CDC42BPA: variants seen among roughly 807,000 people sequenced by gnomAD.
CDC42BPA encodes the protein serine/threonine-protein kinase MRCK alpha.
A neutral mutation model predicts 223.5 loss-of-function variants in CDC42BPA; 80 were observed. The observed-to-expected ratio is 0.36, with a 90% CI of 0.30 to 0.43. The LOEUF is 0.43. CDC42BPA is among the 20% of genes least tolerant of loss of function. CDC42BPA has a pLI of 1.00. For synonymous variants in CDC42BPA, 694 were observed against 718.6 expected, an observed-to-expected ratio of 0.97 and a Z score of 0.55; for missense variants, 1,743 against 2,099.9, an observed-to-expected ratio of 0.83 and a Z score of 3.32.
chr1:227,143,687 T>C (rs895793439), intron 8 of CDC42BPA, among the ~76,000 whole-genome samples: 4 of 152,216 alleles, frequency 2.6e-5, no homozygotes, highest in East Asian at 1.9e-4. Context: ...GTGAGTTCAG[T>C]GGTGAGTTCA....
chr1:227,094,259 G>A (rs1040368686), intron 15 of CDC42BPA, among the ~76,000 whole-genome samples: 25 of 152,126 alleles, frequency 1.6e-4, no homozygotes, highest in African/African-American at 5.3e-4. Flanking sequence ...TAAAATGTGA[G>A]AGCAGTCACA....
intron 3 of CDC42BPA, among the ~76,000 whole-genome samples, chr1:227,207,360 T>TC: frequency 6.7e-6 from 1 of 148,588 alleles, no homozygotes; most frequent in African/African-American, 2.5e-5. Flanking sequence ...TCTTTTTTTT[T>TC]CTTTTTCTTT....
intron 1 of CDC42BPA, among the ~76,000 whole-genome samples, chr1:227,308,119 T>C (rs1692877336): frequency 6.6e-6 from 1 of 152,182 alleles, no homozygotes; most frequent in African/African-American, 2.4e-5. Context: ...AGTAAAATAG[T>C]TATTTACATC....
intron 2 of CDC42BPA, among the ~76,000 whole-genome samples, chr1:227,251,321 T>A (rs1681967319): frequency 6.6e-6 from 1 of 151,454 alleles, no homozygotes; most frequent in Middle Eastern, 3.4e-3. Context: ...GGGGAACACA[T>A]AAAAGAAGAT....
At chr1:227,056,370 C>T (rs1274404229) in intron 21 of CDC42BPA, among the ~76,000 whole-genome samples, 2 of 150,130 alleles carry the variant, frequency 1.3e-5, no homozygotes, top group Non-Finnish European at 3.0e-5. Context: ...TTAAAAAGTC[C>T]CAGTTTCTTT....
At chr1:227,170,375 T>C (rs997066485) in intron 5 of CDC42BPA, among the ~76,000 whole-genome samples, 1 of 151,132 alleles carries the variant, frequency 6.6e-6, no homozygotes, top group Non-Finnish European at 1.5e-5. Flanking sequence ...CAACCACAGG[T>C]GAGCTACTGC....
intron 14 of CDC42BPA, among the ~76,000 whole-genome samples, chr1:227,111,332 T>C (rs939045705): frequency 7.2e-5 from 11 of 152,170 alleles, no homozygotes; most frequent in Non-Finnish European, 1.6e-4. Flanking sequence ...AAATATCACG[T>C]CAATTTGATC....
Position 227,063,413 on chromosome 1 carries a change from T to G in CDC42BPA, c.2904+6364A>C, listed in dbSNP as rs534563307. Among the ~76,000 whole-genome samples, 17 of 152,204 alleles carry G rather than the reference T, an allele frequency of 1.1e-4. No individual in the cohort carries two copies. In the South Asian group the frequency reaches 3.5e-3, roughly 32 times the overall value. ...AGGAGTACATAATTTGGCTAATAGT[T>G]TTTAAGGTTCAATTAATCCTAGAGG... On this transcript the variant is annotated intron_variant, in intron 21 of 36. Coordinates refer to ENST00000366766, the MANE Select transcript of CDC42BPA (RefSeq NM_001394014.1).
intron 5 of CDC42BPA, among the ~76,000 whole-genome samples, chr1:227,168,503 T>TTTTTTCGTTTTTTTTTTG (rs1558663009): frequency 2.3e-5 from 3 of 129,712 alleles, no homozygotes; most frequent in African/African-American, 8.8e-5. Flanking sequence ...TGGTGTTTTT[T>TTTTTTCGTTTTTTTTTTG]TTTTTTTTTT....
chr1:227,086,548 T>A (rs1016575891), intron 16 of CDC42BPA, among the ~76,000 whole-genome samples: 1 of 152,266 alleles, frequency 6.6e-6, no homozygotes, highest in Non-Finnish European at 1.5e-5. Flanking sequence ...GCTGTGGTTT[T>A]AAGTGGCATT....
intron 1 of CDC42BPA, among the ~76,000 whole-genome samples, chr1:227,264,032 G>A (rs1684563688): frequency 6.6e-6 from 1 of 152,170 alleles, no homozygotes; most frequent in African/African-American, 2.4e-5. Context: ...TTTGGTCAGT[G>A]CAGAATATAA....
chr1:227,106,750 T>G (rs893438915), intron 14 of CDC42BPA, among the ~76,000 whole-genome samples: 1 of 152,210 alleles, frequency 6.6e-6, no homozygotes, highest in African/African-American at 2.4e-5. Flanking sequence ...ATAACTGGTG[T>G]GATGCAGGTG....
intron 5 of CDC42BPA, among the ~76,000 whole-genome samples, chr1:227,181,096 T>G (rs1260607667): frequency 6.6e-6 from 1 of 152,218 alleles, no homozygotes; most frequent in Non-Finnish European, 1.5e-5. Flanking sequence ...AAATGCAAAC[T>G]GCCTATGCAG....
At chr1:227,222,522 A>C (rs2090007) in intron 2 of CDC42BPA, among the ~76,000 whole-genome samples, 9,819 of 152,074 alleles carry the variant, frequency 0.065, 417 homozygotes, top group East Asian at 0.17. Context: ...ACAACAACAA[A>C]AAAACTATCA....
chr1:227,177,134 A>ATATAT (rs1553378325), intron 5 of CDC42BPA, among the ~76,000 whole-genome samples: 6 of 109,630 alleles, frequency 5.5e-5, no homozygotes, highest in Non-Finnish European at 7.8e-5. Flanking sequence ...TAAGAAAAAA[A>ATATAT]AAATATATAT....
chr1:227,108,683 T>C (rs545475591), intron 14 of CDC42BPA, among the ~76,000 whole-genome samples: 4 of 152,174 alleles, frequency 2.6e-5, no homozygotes, highest in Non-Finnish European at 4.4e-5. Context: ...AAGTCTCATA[T>C]ATACAATGGT....
At chr1:227,118,469 CT>C (rs1688116137) in intron 12 of CDC42BPA, among the ~76,000 whole-genome samples, 1 of 152,056 alleles carries the variant, frequency 6.6e-6, no homozygotes, top group Non-Finnish European at 1.5e-5. Context: ...AAGCAAATCA[CT>C]CAAAGTCCTT....
chr1:227,154,831 C>A (rs1572018763), intron 6 of CDC42BPA, among the ~76,000 whole-genome samples: 1 of 152,022 alleles, frequency 6.6e-6, no homozygotes, highest in East Asian at 1.9e-4. Context: ...AATACATAAG[C>A]CAGTGTTTAT....
chr1:227,316,934 A>G (rs1694507639), intron 1 of CDC42BPA, 71 bp downstream of exon 1: 1 of 1,144,006 alleles, frequency 8.7e-7, no homozygotes, highest in Non-Finnish European at 1.3e-6. Flanking sequence ...GTTTACTCAT[A>G]ACTCTCTATA....
Sources: gnomAD v4.1 joint callset for allele counts (sites outside exome capture counted in the v4.1 genomes callset) on GRCh38, gnomAD v4.1.1 for gene constraint, MANE v1.5 for transcripts, NCBI Gene and HGNC (gene_info 2026-07-23, HGNC 2026-07-21) for gene names.